Variants in ZNF254 observed in about 807,000 individuals in gnomAD.
The protein encoded by ZNF254 is CTD-2017D11.1.
In ZNF254, 10 loss-of-function variants were observed where a neutral mutation model predicts 12.4. That is an observed-to-expected ratio of 0.80 (90% CI 0.50 to 1.36). ZNF254 has a LOEUF of 1.36. Among genes scored for constraint, ZNF254 ranks in the 40% most tolerant of loss-of-function variants. ZNF254 has a pLI of 0.00. For missense variants in ZNF254, 996 were observed against 763.9 expected (o/e 1.30, Z -3.58); for synonymous variants, 305 against 253.4 (o/e 1.20, Z -1.93).
intron 3 of ZNF254, among the ~76,000 whole-genome samples, chr19:24,120,834 G>GTT (rs532090943): frequency 1.3e-5 from 2 of 151,120 alleles, no homozygotes; most frequent in South Asian, 2.1e-4. Context: ...GGCTAATTTT[G>GTT]TTTTTTTTGT....
chr19:24,113,609 C>T (rs1180104259), intron 3 of ZNF254, among the ~76,000 whole-genome samples: 2 of 152,156 alleles, frequency 1.3e-5, no homozygotes, highest in Non-Finnish European at 2.9e-5. Flanking sequence ...GAAGCATTCC[C>T]TTTGAAAACT....
At chr19:24,056,371 C>T (rs1359090880) in intron 2 of ZNF254, among the ~76,000 whole-genome samples, 1 of 152,130 alleles carries the variant, frequency 6.6e-6, no homozygotes, top group East Asian at 1.9e-4. Context: ...CCTGCCTGGT[C>T]CCTGCTCACA....
In ZNF254 at chr19:24,047,622, T is replaced by C. The variant is rs1970448774; in HGVS notation, c.-94+1343T>C. Among the ~76,000 whole-genome samples the C allele has an allele frequency of 9.0e-5, 13 of 144,788 alleles. No homozygotes were observed. In the South Asian group the frequency reaches 2.9e-3, roughly 33 times the overall value. The allele number at this position is 144,788 out of a possible 152,430, so 95.0% of individuals were successfully genotyped here. ...TTTTTTTTTTTTTTTTTTTGCTCTC[T>C]CTCTTGCTTGCTTGCTTCTTTCCTT... On this transcript the variant is annotated intron_variant, in intron 2 of 4. Coordinates refer to the ZNF254 transcript ENST00000613065.
chr19:24,062,484 A>G (rs1378947414), intron 2 of ZNF254, among the ~76,000 whole-genome samples: 3 of 152,184 alleles, frequency 2.0e-5, no homozygotes, highest in African/African-American at 7.2e-5. Flanking sequence ...TAAATGTCAT[A>G]CCTAGACTTG....
chr19:24,034,139 T>C (rs1400254294), intron 1 of ZNF254, among the ~76,000 whole-genome samples: 1 of 152,016 alleles, frequency 6.6e-6, no homozygotes, highest in East Asian at 1.9e-4. Flanking sequence ...GTATTTCTAG[T>C]AGAGAAGTGG....
intron 3 of ZNF254, among the ~76,000 whole-genome samples, chr19:24,118,294 C>T (rs374131774): frequency 8.5e-5 from 13 of 152,120 alleles, no homozygotes; most frequent in East Asian, 7.8e-4. Context: ...CCTCAAAATC[C>T]GCCCGCATCA....
At chr19:24,070,346 C>G (rs1227749084) in intron 2 of ZNF254, among the ~76,000 whole-genome samples, 1 of 152,164 alleles carries the variant, frequency 6.6e-6, no homozygotes, top group Admixed American at 6.6e-5. Context: ...CACAACCAGT[C>G]AACAGTAAAT....
intron 2 of ZNF254, among the ~76,000 whole-genome samples, chr19:24,077,600 ATCTT>A (rs1971703534): frequency 6.6e-6 from 1 of 152,234 alleles, no homozygotes; most frequent in South Asian, 2.1e-4. Context: ...CAGCCAGTCT[ATCTT>A]ATAACTGTTG....
chr19:24,125,701 C>A (rs1475101256), intron 3 of ZNF254, among the ~76,000 whole-genome samples: 1 of 152,174 alleles, frequency 6.6e-6, no homozygotes, highest in Admixed American at 6.5e-5. Flanking sequence ...ACTTGCTACA[C>A]CTTTTCCATT....
At chr19:24,087,955 G>C (rs917229712) in intron 1 of ZNF254, among the ~76,000 whole-genome samples, 1 of 107,796 alleles carries the variant, frequency 9.3e-6, no homozygotes, top group African/African-American at 3.4e-5. Context: ...TCACTTTTTT[G>C]CTCAGGCTGG....
At chr19:24,091,841 A>G in intron 1 of ZNF254, 1 of 980,558 alleles carries the variant, frequency 1.0e-6, no homozygotes, top group Non-Finnish European at 1.2e-6. Flanking sequence ...ATTTTATGTG[A>G]TGAAACTTGG....
At chr19:24,079,850 C>T (rs1452855811) in intron 2 of ZNF254, 2 of 152,058 alleles carry the variant, frequency 1.3e-5, no homozygotes, top group Admixed American at 1.3e-4. Flanking sequence ...ATCATATGGT[C>T]ACTTGTTTGT....
At chr19:24,041,539 G>A (rs12981638) in intron 1 of ZNF254, among the ~76,000 whole-genome samples, 1 of 152,274 alleles carries the variant, frequency 6.6e-6, no homozygotes, top group Admixed American at 6.5e-5. Context: ...CCGGGCCTTA[G>A]CTGCTTTCCT....
At chr19:24,070,814 T>G (rs978659747) in intron 2 of ZNF254, among the ~76,000 whole-genome samples, 4 of 152,150 alleles carry the variant, frequency 2.6e-5, no homozygotes, top group African/African-American at 9.7e-5. Context: ...CTATACTCTT[T>G]CCTTGTTCCT....
intron 2 of ZNF254, among the ~76,000 whole-genome samples, chr19:24,048,432 G>A (rs2145276159): frequency 6.6e-6 from 1 of 152,336 alleles, no homozygotes; most frequent in East Asian, 1.9e-4. Flanking sequence ...GGCCACAAGC[G>A]TAGGACTTGG....
intron 3 of ZNF254, among the ~76,000 whole-genome samples, chr19:24,115,835 G>C (rs537212878): frequency 1.3e-4 from 20 of 152,150 alleles, no homozygotes; most frequent in African/African-American, 4.3e-4. Context: ...GGCTGGTACC[G>C]GTTGTTCCTT....
rs1382107922 is a variant in ZNF254, at chr19:24,105,145, TAACTC to T, written c.31-792_31-788del. On this transcript the variant is annotated intron_variant, in intron 1 of 3. Transcript: ENST00000357002. ...CTAGTGCAGTTGATGTTGATGCTAA[TAACTC>T]AATAAGCTCTCTTACAGATTTTTTC... The T allele has an allele frequency of 3.2e-5, 5 of 158,266 alleles. No individual in the cohort carries two copies. The East Asian group carries it at 5.6e-4, about 18-fold the overall frequency. 9.8% of individuals were successfully genotyped at this position (158,266 alleles called of 1,614,324 possible).
chr19:24,072,175 T>C (rs924811080), intron 2 of ZNF254, among the ~76,000 whole-genome samples: 3 of 151,740 alleles, frequency 2.0e-5, no homozygotes, highest in Non-Finnish European at 2.9e-5. Context: ...CTTTTTCATT[T>C]TTTTTTTTTC....
chr19:24,042,754 G>C (rs1283381697), intron 1 of ZNF254, among the ~76,000 whole-genome samples: 1 of 152,160 alleles, frequency 6.6e-6, no homozygotes, highest in Non-Finnish European at 1.5e-5. Context: ...ATTCAGATTA[G>C]TATTTACTTT....
Sources: allele counts gnomAD v4.1 joint callset (sites outside exome capture counted in the v4.1 genomes callset), GRCh38; gene constraint gnomAD v4.1.1; transcripts MANE v1.5; gene names NCBI Gene and HGNC (gene_info 2026-07-23, HGNC 2026-07-21).